Variants in NCOR2 observed in about 807,000 individuals in gnomAD.
The protein encoded by NCOR2 is CTG repeat protein 26.
NCOR2 carries 81 observed loss-of-function variants against 262.9 expected under a neutral mutation model. That is an observed-to-expected ratio of 0.31 (90% CI 0.26 to 0.37). The LOEUF (loss-of-function observed/expected upper bound fraction) is 0.37, where lower values mean the gene tolerates loss of function less well. Among genes scored for constraint, NCOR2 ranks in the 10% least tolerant of loss-of-function variants. NCOR2 has a pLI of 1.00. For synonymous variants in NCOR2, 1,659 were observed against 1,559.3 expected, an observed-to-expected ratio of 1.06 and a Z score of -1.51; for missense variants, 3,385 against 3,621.4, an observed-to-expected ratio of 0.93 and a Z score of 1.68.
At position 124,424,262 on chromosome 12, in the gene NCOR2, C is replaced by A. The variant is rs548576164; in HGVS notation, c.1329-1707G>T. 7.2e-5 allele frequency among the ~76,000 whole-genome samples: 11 copies of A among 152,224 alleles called. No homozygotes were observed. In the East Asian group the frequency reaches 2.1e-3, roughly 29 times the overall value. On this transcript the variant is annotated intron_variant, in intron 11 of 46. Transcript: ENST00000405201. ...AAAACATCATGCCTACCAGGGGGAACGTGAATCTCAAACGCAACAGTAATT... is the reference window on the plus strand; with the variant it reads ...AAAACATCATGCCTACCAGGGGGAAAGTGAATCTCAAACGCAACAGTAATT...
intron 22 of NCOR2, among the ~76,000 whole-genome samples, chr12:124,360,419 C>CCT (rs1285556674): frequency 6.6e-6 from 1 of 152,248 alleles, no homozygotes; most frequent in Non-Finnish European, 1.5e-5. Context: ...GTTCAGGCAG[C>CCT]CTCTGTCGCC....
At chr12:124,361,424 G>T (rs1392059534) in intron 22 of NCOR2, among the ~76,000 whole-genome samples, 1 of 152,242 alleles carries the variant, frequency 6.6e-6, no homozygotes, top group African/African-American at 2.4e-5. Flanking sequence ...GAATTTCTTG[G>T]GCCTAGTGGG....
intron 1 of NCOR2, among the ~76,000 whole-genome samples, chr12:124,518,484 A>G (rs1467691831): frequency 1.3e-5 from 2 of 152,172 alleles, no homozygotes; most frequent in Non-Finnish European, 1.5e-5. Context: ...CCCACCGGCG[A>G]CAAGTGCGGG....
chr12:124,407,741 G>A (rs775580497), intron 13 of NCOR2, among the ~76,000 whole-genome samples: 4 of 152,220 alleles, frequency 2.6e-5, no homozygotes, highest in African/African-American at 9.6e-5. Flanking sequence ...CAGCAACACC[G>A]TCTGTGGCTC....
chr12:124,393,676 A>G (rs550071080), intron 16 of NCOR2, among the ~76,000 whole-genome samples: 5 of 152,354 alleles, frequency 3.3e-5, no homozygotes, highest in African/African-American at 1.2e-4. Flanking sequence ...CTGCAAGTAG[A>G]GTGCCTGGGT....
chr12:124,422,678 G>T, intron 11 of NCOR2, 123 bp from the exon 14 acceptor site: 4 of 1,122,768 alleles, frequency 3.6e-6, no homozygotes, highest in East Asian at 2.6e-5. Flanking sequence ...GCCCCACTTG[G>T]AGCAATTAAG....
At chr12:124,439,418 G>GCC (rs2044679735) in intron 7 of NCOR2, among the ~76,000 whole-genome samples, 1 of 116,462 alleles carries the variant, frequency 8.6e-6, no homozygotes, top group Non-Finnish European at 2.0e-5. Context: ...GAGACCCAGA[G>GCC]AGAGAGAGAG....
chr12:124,372,595 C>G (rs1312270286), exon 20 of NCOR2: 39 of 1,597,552 alleles, frequency 2.4e-5, no homozygotes, highest in Non-Finnish European at 3.0e-5. Context: ...GGTGTCTGAG[C>G]TGTTGTTGAC....
intron 16 of NCOR2, among the ~76,000 whole-genome samples, chr12:124,392,468 T>A: frequency 6.6e-6 from 1 of 152,090 alleles, no homozygotes; most frequent in East Asian, 1.9e-4. Flanking sequence ...CACCGCACCG[T>A]CCCTGCCTGG....
chr12:124,431,788 CACAG>C (rs1285807477), intron 8 of NCOR2, among the ~76,000 whole-genome samples: 5 of 150,602 alleles, frequency 3.3e-5, no homozygotes, highest in African/African-American at 7.4e-5. Context: ...ATGGCAGACA[CACAG>C]ACAGATACAC....
intron 16 of NCOR2, among the ~76,000 whole-genome samples, chr12:124,387,520 A>G (rs2040904568): frequency 6.6e-6 from 1 of 152,188 alleles, no homozygotes; most frequent in African/African-American, 2.4e-5. Flanking sequence ...GTGGGGCCCC[A>G]GACTTCCTGC....
intron 4 of NCOR2, among the ~76,000 whole-genome samples, chr12:124,469,296 AG>A (rs1486322342): frequency 6.6e-6 from 1 of 152,188 alleles, no homozygotes; most frequent in African/African-American, 2.4e-5. Flanking sequence ...AAGTGAACAC[AG>A]GAAAAGCCAG....
chr12:124,374,585 G>C (rs2039840603), intron 18 of NCOR2, 122 bp from the exon 21 acceptor site: 18 of 924,934 alleles, frequency 1.9e-5, no homozygotes, highest in Non-Finnish European at 3.1e-5. Flanking sequence ...CCTCGCTGCT[G>C]CTCGCTCTCC....
At chr12:124,369,331 C>A (rs2039293820) in intron 20 of NCOR2, among the ~76,000 whole-genome samples, 1 of 152,224 alleles carries the variant, frequency 6.6e-6, no homozygotes, top group Non-Finnish European at 1.5e-5. Context: ...ATGTGATTTT[C>A]TCTCTCCCAA....
rs1026350680 is a variant in NCOR2, at chr12:124,503,937, G to A, written c.-117-8569C>T. Among the ~76,000 whole-genome samples, 1 of 152,082 alleles carries A rather than the reference G, an allele frequency of 6.6e-6. No homozygotes were observed. Among genetic ancestry groups the A allele is most frequent in the African/African-American group, 2.4e-5 (1 of 41,388 alleles). The stretch of plus-strand genomic sequence containing the variant: ...CCTCCCACATGCCCAGCTCCATGAG[G>A]GACACAGAAAGGCACTGTCGCCTTC... On this transcript the variant is annotated intron_variant, in intron 1 of 46. Transcript: ENST00000404621. This position sits in a 1 kb window ranked among gnomAD's most constrained non-coding sequence, Gnocchi z 4.3.
chr12:124,344,793 C>T, exon 32 of NCOR2: 3 of 1,552,330 alleles, frequency 1.9e-6, no homozygotes, highest in Non-Finnish European at 2.6e-6. Flanking sequence ...TCTTCAGGCT[C>T]TCCTCGTAGC....
At chr12:124,558,937 G>T (rs528706892) in intron 1 of NCOR2, among the ~76,000 whole-genome samples, 17 of 152,310 alleles carry the variant, frequency 1.1e-4, no homozygotes, top group African/African-American at 4.1e-4. Context: ...AGACCTGTGG[G>T]TCCCCCCAGA....
chr12:124,455,003 A>G (rs1280364424), intron 6 of NCOR2, among the ~76,000 whole-genome samples: 1 of 152,242 alleles, frequency 6.6e-6, no homozygotes, highest in African/African-American at 2.4e-5. Flanking sequence ...CACGCTCGAC[A>G]CGGATGAACC....
At chr12:124,388,706 C>T (rs747709408) in intron 16 of NCOR2, 2 of 1,304,478 alleles carry the variant, frequency 1.5e-6, no homozygotes, top group South Asian at 1.2e-5. Flanking sequence ...CGCGTCTCCC[C>T]CTCGGCCAAG....
Sources: gnomAD v4.1 joint callset for allele counts (sites outside exome capture counted in the v4.1 genomes callset) on GRCh38, gnomAD v4.1.1 for gene constraint, Gnocchi (gnomAD v3.1) non-coding constraint, MANE v1.5 for transcripts, NCBI Gene and HGNC (gene_info 2026-07-23, HGNC 2026-07-21) for gene names.